The following SLC2A4RG variants were observed in gnomAD, a reference collection of about 807,000 sequenced individuals.
SLC2A4RG encodes the protein SLC2A4 regulator.
In SLC2A4RG, 23 loss-of-function variants were observed where a neutral mutation model predicts 35.5. The ratio of observed to expected loss-of-function variants is 0.65; its 90% CI spans 0.47 to 0.92. The LOEUF is 0.92. Among genes scored for constraint, SLC2A4RG ranks in the 40% least tolerant of loss-of-function variants. SLC2A4RG has a pLI of 0.00. For missense variants in SLC2A4RG, 539 were observed against 525.0 expected, an observed-to-expected ratio of 1.03 and a Z score of -0.26; for synonymous variants, 306 against 243.7, an observed-to-expected ratio of 1.26 and a Z score of -2.38.
intron 5 of SLC2A4RG, 28 bp downstream of exon 5, chr20:63,742,258 G>T (rs2092046564): frequency 6.3e-7 from 1 of 1,588,074 alleles, no homozygotes; most frequent in Non-Finnish European, 8.6e-7. Context: ...GTGCGGCGGG[G>T]CCTGCGGGTT....
chr20:63,741,052 G>A (rs1341359458), intron 2 of SLC2A4RG, among the ~76,000 whole-genome samples: 3 of 152,202 alleles, frequency 2.0e-5, no homozygotes, highest in African/African-American at 4.8e-5. Context: ...TGTGATGGGG[G>A]GAGGCCTGGG....
rs1219302026 is a variant in SLC2A4RG at position 63,741,855 on chromosome 20, C to T, written c.392-14C>T. 6.4e-7 allele frequency: 1 copy of T among 1,571,922 alleles called. No individual in the cohort carries two copies. Among genetic ancestry groups the T allele is most frequent in the East Asian group, 2.4e-5 (1 of 42,176 alleles). ...CACCCGAAGTTCTAAGGCGGGGGGC[C>T]CGTGTCCCCACAGAGCCTGGCCTGG... On this transcript the variant is annotated splice_polypyrimidine_tract_variant and intron_variant, in intron 3 of 7. Transcript: ENST00000266077.
At position 63,739,843 on chromosome 20, in the gene SLC2A4RG, G is replaced by C. The variant is rs1410306552; in HGVS notation, c.-70G>C. The C allele has an allele frequency of 5.1e-6, 5 of 975,320 alleles. No homozygotes were observed. In the African/African-American group the frequency reaches 9.0e-5, roughly 17 times the overall value. The allele number at this position is 975,320 out of a possible 1,614,324, so 60.4% of individuals were successfully genotyped here. ...CGGGGGTCGGCGGCCCGGCCAGCCCGGCCCGGCCCGGGGCCGCGTCCTGAG... is the reference window on the plus strand; with the variant it reads ...CGGGGGTCGGCGGCCCGGCCAGCCCCGCCCGGCCCGGGGCCGCGTCCTGAG... On this transcript the variant is annotated 5_prime_UTR_variant, in exon 1 of 8. Transcript: ENST00000266077.
In SLC2A4RG at chr20:63,743,099, G is replaced by C; in HGVS notation, c.*109G>C. On this transcript the variant is annotated 3_prime_UTR_variant, in exon 8 of 8. Transcript: ENST00000266077. ...CCCCAGGGGCTGGCTTTCACCAGCTGCAGGGTCTGCTTTTACTTGGGGTGG... is the reference window on the plus strand; with the variant it reads ...CCCCAGGGGCTGGCTTTCACCAGCTCCAGGGTCTGCTTTTACTTGGGGTGG... 3 of 305,654 alleles carry C rather than the reference G, an allele frequency of 9.8e-6. No homozygotes were observed. Among genetic ancestry groups the C allele is most frequent in the East Asian group, 1.7e-4 (2 of 12,120 alleles). 18.9% of individuals were successfully genotyped at this position (305,654 alleles called of 1,614,324 possible).
At position 63,743,686 on chromosome 20, in the gene SLC2A4RG, C is replaced by CAATTT. The variant is rs1408886453; in HGVS notation, c.*698_*702dup. The CAATTT allele has an allele frequency of 1.3e-5, 2 of 152,350 alleles. No homozygotes were observed. The highest frequency in any genetic ancestry group is 3.7e-4 in the East Asian group (2 of 5,334). The allele number at this position is 152,350 out of a possible 1,614,324, so 9.4% of individuals were successfully genotyped here. A position where few individuals can be genotyped will look rare whatever the true frequency, so the allele number is the denominator to read the frequency against. On this transcript the variant is annotated 3_prime_UTR_variant, in exon 8 of 8. Transcript: ENST00000266077. Reference sequence around the variant, plus strand: ...GGCATCTGCTGGAGCAGCAATTTCCCAATTTATTGAAAGTGATCGCTTTGC... The same window carrying CAATTT: ...GGCATCTGCTGGAGCAGCAATTTCCCAATTTAATTTATTGAAAGTGATCGCTTTGC...
At chr20:63,742,856 A>T (rs768537386) in intron 7 of SLC2A4RG, 23 bp from the exon 8 acceptor site, 6 of 1,604,072 alleles carry the variant, frequency 3.7e-6, no homozygotes, top group Non-Finnish European at 2.6e-6. Context: ...ACAGCACCCC[A>T]TGTCCTGTGA....
chr20:63,742,696 T>TA lies in SLC2A4RG; in HGVS notation c.961-2dup. On this transcript the variant is annotated splice_region_variant and splice_polypyrimidine_tract_variant and intron_variant, in intron 6 of 7. Coordinates refer to ENST00000266077, the MANE Select transcript of SLC2A4RG (RefSeq NM_020062.4). ...GTGAAGCCCTGGCTGTGTCTCCCTG[T>TA]AGGGCTGCCTGACGCCCGCCCGCCT... 1 of 1,598,110 alleles carries TA rather than the reference T, an allele frequency of 6.3e-7. No individual in the cohort carries two copies. The highest frequency in any genetic ancestry group is 8.5e-7 in the Non-Finnish European group (1 of 1,173,352).
At chr20:63,740,091 A>T (rs1015877641) in intron 1 of SLC2A4RG, 53 bp downstream of exon 1, 314 of 876,884 alleles carry the variant, frequency 3.6e-4, no homozygotes, top group Admixed American at 1.1e-3. Flanking sequence ...CGCTGCAAAG[A>T]TGGCGTCAGT....
chr20:63,740,060 G>C, intron 1 of SLC2A4RG, 22 bp downstream of exon 1: 1 of 958,584 alleles, frequency 1.0e-6, no homozygotes, highest in Non-Finnish European at 1.2e-6. Flanking sequence ...CGGTGGGCGG[G>C]GGCGCCGACC....
chr20:63,742,515 T>C lies in SLC2A4RG; in HGVS notation c.860T>C (p.Leu287Pro). 1 of 1,564,562 alleles carries C rather than the reference T, an allele frequency of 6.4e-7. No individual in the cohort carries two copies. The highest frequency in any genetic ancestry group is 8.7e-7 in the Non-Finnish European group (1 of 1,155,206). Residue 287 changes from leucine to proline, a missense_variant, in exon 6 of 8, where the codon CTG (leucine) becomes CCG (proline). Transcript: ENST00000266077. ...CCAGAGCTGCTGGAGCCCCCAGCCCTGCCTAGTCCCCTGCGGCCGCCTGCC... is the reference window on the plus strand; with the variant it reads ...CCAGAGCTGCTGGAGCCCCCAGCCCCGCCTAGTCCCCTGCGGCCGCCTGCC... ...ELPELLEPPA[L>P]PSPLRPPAPP...
chr20:63,741,829 C>T, intron 3 of SLC2A4RG, 40 bp from the exon 4 acceptor site: 1 of 1,535,026 alleles, frequency 6.5e-7, no homozygotes, highest in Non-Finnish European at 8.8e-7. Context: ...CTCCCTGGAC[C>T]CACCCGAAGT....
rs1601364601 is a variant in SLC2A4RG, at chr20:63,739,878, T to G, written c.-35T>G. ...GGGGCCGCGTCCTGAGAGTCAGCCC[T>G]CGCCGCTGCAGCCTCGGCGCCCGGC... On this transcript the variant is annotated 5_prime_UTR_variant, in exon 1 of 8. Transcript: ENST00000266077. The G allele has an allele frequency of 1.1e-5, 11 of 974,292 alleles. No homozygotes were observed. The highest frequency in any genetic ancestry group is 9.6e-5 in the South Asian group (2 of 20,788). The allele number at this position is 974,292 out of a possible 1,614,324, so 60.4% of individuals were successfully genotyped here.
In SLC2A4RG at chr20:63,742,556, C is replaced by T. The variant is rs1475829135; in HGVS notation, c.901C>T (p.Pro301Ser). Reference protein sequence around the residue: ...LRPPAPPLPPPPVLSTVANPQ... With the variant: ...LRPPAPPLPPSPVLSTVANPQ... Reference sequence around the variant, plus strand: ...GCCGCCTGCCCCGCCCCTGCCCCCGCCCCCTGTCCTGAGCACCGTTGCTAA... The same window carrying T: ...GCCGCCTGCCCCGCCCCTGCCCCCGTCCCCTGTCCTGAGCACCGTTGCTAA... Residue 301 changes from proline (P) to serine (S), a missense_variant, in exon 6 of 8, where the codon CCC (proline) becomes TCC (serine). By Grantham distance (74) the Pro-to-Ser change is moderately conservative. Coordinates refer to ENST00000266077, the MANE Select transcript of SLC2A4RG (RefSeq NM_020062.4). 3.8e-6 allele frequency: 6 copies of T among 1,573,874 alleles called. No individual in the cohort carries two copies. The highest frequency in any genetic ancestry group is 5.2e-6 in the Non-Finnish European group (6 of 1,158,626).
chr20:63,742,449 C>A lies in SLC2A4RG; in HGVS notation c.794C>A (p.Pro265His). The change falls in exon 6 of 8, where the codon CCC (proline) becomes CAC (histidine). Residue 265 changes from proline to histidine, a missense_variant. Coordinates refer to ENST00000266077, the MANE Select transcript of SLC2A4RG (RefSeq NM_020062.4). ...CTGTCCAGCCTGACTCCAGTGTCCC[C>A]CACGGCCTCCATGCCGCCTGCCTTC... ...DGLSSLTPVS[P>H]TASMPPAFPR... The A allele has an allele frequency of 6.2e-7, 1 of 1,601,218 alleles. No homozygotes were observed. Among genetic ancestry groups the A allele is most frequent in the Non-Finnish European group, 8.5e-7 (1 of 1,174,692 alleles).
intron 1 of SLC2A4RG, 149 bp from the exon 2 acceptor site, chr20:63,740,228 T>TGGGGGCGGGGCC: frequency 2.2e-6 from 1 of 452,146 alleles, no homozygotes; most frequent in East Asian, 7.8e-5. Flanking sequence ...CGCGCCGGGC[T>TGGGGGCGGGGCC]GGGGGCGGGG....
Position 63,742,255 on chromosome 20 carries a change from G to A in SLC2A4RG, c.680+25G>A, listed in dbSNP as rs764128880. 40 of 1,585,228 alleles carry A rather than the reference G, an allele frequency of 2.5e-5. No homozygotes were observed. The East Asian group carries it at 4.6e-4, about 18-fold the overall frequency. ...GGTGCGGCGGGGCCTGGGGTGCGGC[G>A]GGGCCTGCGGGTTGGCTGGGGTTGT... On this transcript the variant is annotated intron_variant, in intron 5 of 7. Transcript: ENST00000266077.
rs2092033176 is a variant in SLC2A4RG at position 63,739,934 on chromosome 20, G to C, written c.22G>C (p.Ala8Pro). The change falls in exon 1 of 8, where the codon GCC (alanine) becomes CCC (proline). Residue 8 changes from alanine to proline, a missense_variant. Transcript: ENST00000266077. MERPPPR[A>P]AGRDPSALRA... ...GGCCATGGAGCGCCCCCCGCCCCGC[G>C]CCGCCGGCCGGGACCCCAGTGCGCT... The C allele has an allele frequency of 9.2e-6, 9 of 979,316 alleles. No homozygotes were observed. Among genetic ancestry groups the C allele is most frequent in the Non-Finnish European group, 6.0e-6 (5 of 827,894 alleles). 60.7% of individuals were successfully genotyped at this position (979,316 alleles called of 1,614,324 possible).
In SLC2A4RG at chr20:63,740,385, C is replaced by T. The variant is rs2092035769; in HGVS notation, c.135C>T (p.Ser45=). Residue 45 remains serine (S), a synonymous_variant, in exon 2 of 8, where the codon TCC becomes TCT. Transcript: ENST00000266077. The part of the protein sequence containing the change: ...VTVPTPPQGS[S]VGGGFAGLEF... ...CCCCTCCCCATCCGCAGGGCTCTTC[C>T]GTGGGCGGCGGCTTCGCGGGCTTGG... 1.1e-5 allele frequency: 14 copies of T among 1,228,512 alleles called. No homozygotes were observed. The highest frequency in any genetic ancestry group is 4.3e-5 in the Admixed American group (1 of 23,466). The allele number at this position is 1,228,512 out of a possible 1,614,324, so 76.1% of individuals were successfully genotyped here. A position where few individuals can be genotyped will look rare whatever the true frequency, so the allele number is the denominator to read the frequency against.
intron 3 of SLC2A4RG, 51 bp downstream of exon 3, chr20:63,741,530 A>T (rs2092041496): frequency 6.6e-7 from 1 of 1,512,314 alleles, no homozygotes; most frequent in Non-Finnish European, 9.1e-7. Context: ...CAGGGCTCAG[A>T]ACCTACAGCC....
Sources: gnomAD v4.1 joint callset for allele counts (sites outside exome capture counted in the v4.1 genomes callset) on GRCh38, gnomAD v4.1.1 for gene constraint, MANE v1.5 for transcripts, NCBI Gene and HGNC (gene_info 2026-07-23, HGNC 2026-07-21) for gene names.